The following SYTL3 variants were observed in gnomAD, a reference collection of about 807,000 sequenced individuals.
SYTL3 encodes the protein synaptotagmin like 3.
A neutral mutation model predicts 82.1 loss-of-function variants in SYTL3; 88 were observed. That is an observed-to-expected ratio of 1.07 (90% CI 0.90 to 1.28). The LOEUF (loss-of-function observed/expected upper bound fraction) is 1.28, where lower values mean the gene tolerates loss of function less well. Ranked by LOEUF, SYTL3 falls within the 50% of genes most tolerant of loss-of-function variation. The pLI is 0.00. For missense variants in SYTL3, 831 were observed against 757.6 expected (o/e 1.10, Z -1.14); for synonymous variants, 311 against 289.4 (o/e 1.07, Z -0.76).
chr6:158,709,760 T>C (rs962660547), intron 8 of SYTL3, among the ~76,000 whole-genome samples: 3 of 152,208 alleles, frequency 2.0e-5, no homozygotes, highest in Admixed American at 6.5e-5. Context: ...AATATAATTC[T>C]AGAAAATCTA....
At chr6:158,668,588 T>A (rs1776996868) in intron 5 of SYTL3, among the ~76,000 whole-genome samples, 1 of 152,206 alleles carries the variant, frequency 6.6e-6, no homozygotes, top group Admixed American at 6.5e-5. Context: ...AGCTGGAGCC[T>A]GAGCATGTGC....
chr6:158,689,198 A>G (rs1482055605), intron 6 of SYTL3, among the ~76,000 whole-genome samples: 3 of 152,212 alleles, frequency 2.0e-5, no homozygotes, highest in Non-Finnish European at 4.4e-5. Context: ...ATCTCTGAAT[A>G]TTTCTAGAAA....
chr6:158,695,361 C>T (rs988394576), intron 6 of SYTL3, among the ~76,000 whole-genome samples: 1 of 151,618 alleles, frequency 6.6e-6, no homozygotes, highest in Non-Finnish European at 1.5e-5. Context: ...ATGAAGGATT[C>T]ATGTGTTCAT....
Position 158,701,263 on chromosome 6 carries a change from G to GAA in SYTL3, c.395-5967_395-5966insAA, listed in dbSNP as rs1244602775. Among the ~76,000 whole-genome samples the GAA allele has an allele frequency of 5.9e-3, 37 of 6,294 alleles. 17 individuals carry two copies. Among genetic ancestry groups the GAA allele is most frequent in the South Asian group, 0.036 (4 of 112 alleles). The allele number at this position is 6,294 out of a possible 152,430, so 4.1% of individuals were successfully genotyped here. ...GTGTAGATGAAGGAGTGTGAGCTGGGGTGTAGATGAAGGAGTGTGAGCTGG... is the reference window on the plus strand; with the variant it reads ...GTGTAGATGAAGGAGTGTGAGCTGGGAAGTGTAGATGAAGGAGTGTGAGCTGG... On this transcript the variant is annotated intron_variant, in intron 6 of 17. Transcript: ENST00000611299.
intron 11 of SYTL3, among the ~76,000 whole-genome samples, chr6:158,729,553 T>G (rs1297867190): frequency 6.6e-6 from 1 of 151,092 alleles, no homozygotes; most frequent in Non-Finnish European, 1.5e-5. Flanking sequence ...GTACTGTACT[T>G]TACTTTCTTT....
intron 6 of SYTL3, among the ~76,000 whole-genome samples, chr6:158,690,425 C>T (rs933202482): frequency 6.6e-6 from 1 of 152,190 alleles, no homozygotes; most frequent in Non-Finnish European, 1.5e-5. Context: ...GGAATCATTA[C>T]ACCCTCTGCA....
intron 5 of SYTL3, among the ~76,000 whole-genome samples, chr6:158,681,379 C>T (rs1423589504): frequency 2.0e-5 from 3 of 152,072 alleles, no homozygotes; most frequent in East Asian, 1.9e-4. Flanking sequence ...AAAGTCCTGC[C>T]GTAGGGAGCT....
At chr6:158,647,068 C>T (rs1787526434), upstream of SYTL3, among the ~76,000 whole-genome samples, 1 of 152,214 alleles carries the variant, frequency 6.6e-6, no homozygotes, top group Admixed American at 6.5e-5. Context: ...ACACTTGGGA[C>T]AGCCTTTTCA....
chr6:158,682,277 CTT>C (rs1778779951), intron 5 of SYTL3, among the ~76,000 whole-genome samples: 1 of 149,482 alleles, frequency 6.7e-6, no homozygotes, highest in African/African-American at 2.5e-5. Flanking sequence ...TTTTGTTTCT[CTT>C]TGTGTATTTG....
At chr6:158,657,001 A>G (rs747693325) in intron 2 of SYTL3, among the ~76,000 whole-genome samples, 3 of 152,210 alleles carry the variant, frequency 2.0e-5, no homozygotes, top group African/African-American at 4.8e-5. Context: ...GTAAGTGACC[A>G]GAATTTAAAT....
upstream of SYTL3, among the ~76,000 whole-genome samples, chr6:158,648,471 G>A (rs1439156663): frequency 1.4e-5 from 2 of 142,546 alleles, no homozygotes; most frequent in African/African-American, 5.2e-5. Context: ...GGCGCCTGTA[G>A]TCCCAGCTAC....
intron 8 of SYTL3, among the ~76,000 whole-genome samples, chr6:158,713,003 G>T (rs193227370): frequency 6.6e-6 from 1 of 151,972 alleles, no homozygotes; most frequent in East Asian, 1.9e-4. Context: ...CTCGTGATCC[G>T]CCCGCCTCGG....
intron 4 of SYTL3, 56 bp downstream of exon 4, chr6:158,663,434 C>T (rs1789607373): frequency 1.3e-6 from 2 of 1,593,262 alleles, no homozygotes; most frequent in South Asian, 1.1e-5. Context: ...CTGCTTGGGG[C>T]CTGCCACTCC....
chr6:158,665,445 C>T lies in SYTL3; in HGVS notation c.161C>T (p.Thr54Met), dbSNP rs144600059. 2.4e-5 allele frequency: 38 copies of T among 1,608,516 alleles called. No homozygotes were observed. The highest frequency in any genetic ancestry group is 2.6e-5 in the Non-Finnish European group (31 of 1,177,566). ...QHLRWKGAKN[T>M]DWEHKEKCCA... ...CTCCGGTGGAAAGGAGCGAAGAACA[C>T]GGACTGGGAGCACAAAGAGAAGTGC... Residue 54 changes from threonine to methionine, a missense_variant, in exon 5 of 18, where the codon ACG (threonine) becomes ATG (methionine). Transcript: ENST00000611299.
intron 4 of SYTL3, chr6:158,663,736 T>A (rs1789656910): frequency 4.7e-6 from 2 of 428,502 alleles, no homozygotes; most frequent in African/African-American, 4.3e-5. Context: ...GACCTCCAGT[T>A]AAGGGTTTTC....
At chr6:158,662,419 A>G (rs1789486378) in intron 3 of SYTL3, among the ~76,000 whole-genome samples, 1 of 152,182 alleles carries the variant, frequency 6.6e-6, no homozygotes, top group African/African-American at 2.4e-5. Context: ...ACATTTTTTG[A>G]GTGTTGAAGT....
chr6:158,729,713 C>A (rs990326644), intron 11 of SYTL3, among the ~76,000 whole-genome samples: 8 of 151,766 alleles, frequency 5.3e-5, no homozygotes, highest in African/African-American at 1.9e-4. Context: ...ACTACAGGCG[C>A]CCGCCACCAC....
intron 1 of SYTL3, among the ~76,000 whole-genome samples, chr6:158,651,035 C>T (rs1787943097): frequency 6.6e-6 from 1 of 152,108 alleles, no homozygotes; most frequent in African/African-American, 2.4e-5. Context: ...GCTGCTTTGC[C>T]TAAATGAAGC....
At chr6:158,721,273 T>C (rs961706142) in intron 10 of SYTL3, among the ~76,000 whole-genome samples, 2 of 152,064 alleles carry the variant, frequency 1.3e-5, no homozygotes, top group African/African-American at 4.8e-5. Context: ...TGGAGTGCAG[T>C]GGTGATATCG....
Sources: allele counts gnomAD v4.1 joint callset (sites outside exome capture counted in the v4.1 genomes callset), GRCh38; gene constraint gnomAD v4.1.1; transcripts MANE v1.5; gene names NCBI Gene and HGNC (gene_info 2026-07-23, HGNC 2026-07-21).